Variants in CAGE1 observed in about 807,000 individuals in gnomAD.
CAGE1 encodes the protein cancer-associated gene 1 protein.
Under a neutral mutation model 94.9 loss-of-function variants are expected in CAGE1, and 66 were observed. That is an observed-to-expected ratio of 0.70 (90% CI 0.57 to 0.85). The LOEUF (loss-of-function observed/expected upper bound fraction) is 0.85, where lower values mean the gene tolerates loss of function less well. Ranked by LOEUF, CAGE1 falls within the 40% of genes least tolerant of loss-of-function variation. The pLI, the probability that CAGE1 is intolerant of heterozygous loss-of-function variation, is 0.00. For missense variants in CAGE1, 865 were observed against 950.4 expected (o/e 0.91, Z 1.18); for synonymous variants, 319 against 321.0 (o/e 0.99, Z 0.07).
chr6:7,361,177 TA>T (rs1245200664), intron 9 of CAGE1, among the ~76,000 whole-genome samples: 5 of 152,282 alleles, frequency 3.3e-5, no homozygotes, highest in African/African-American at 4.8e-5. Flanking sequence ...TACCTGCTTC[TA>T]AAAGAGGAAC....
chr6:7,388,618 T>G (rs1761220485), intron 1 of CAGE1, among the ~76,000 whole-genome samples: 1 of 152,252 alleles, frequency 6.6e-6, no homozygotes, highest in Admixed American at 6.5e-5. Flanking sequence ...CTTATTTCTA[T>G]CAAGCTCTTT....
chr6:7,350,866 A>C (rs892858607), intron 11 of CAGE1, among the ~76,000 whole-genome samples: 1 of 152,178 alleles, frequency 6.6e-6, no homozygotes, highest in Non-Finnish European at 1.5e-5. Context: ...AGAAACAAGA[A>C]CAAACCAAAC....
At chr6:7,365,934 T>C (rs1029656557) in intron 7 of CAGE1, 50 bp from the exon 8 acceptor site, 17 of 1,074,280 alleles carry the variant, frequency 1.6e-5, no homozygotes. Flanking sequence ...ACAACTACGC[T>C]CTAATATTTA....
intron 4 of CAGE1, among the ~76,000 whole-genome samples, chr6:7,376,940 A>T (rs1760767027): frequency 6.6e-6 from 1 of 152,194 alleles, no homozygotes; most frequent in Admixed American, 6.5e-5. Context: ...ACCTACTTAC[A>T]TATGCAGCAC....
rs556168290 is a variant in CAGE1, at chr6:7,373,199, T to C, written c.1620A>G (p.Val540=). The C allele has an allele frequency of 3.1e-5, 50 of 1,613,446 alleles. 1 individual carries two copies. The South Asian group carries it at 4.8e-4, about 16-fold the overall frequency. ...GTTTAAGTTTTGCATTCTCATTTTT[T>C]ACTTCGTTGATTTGCTGCTGAAGTT... is the stretch of plus-strand genomic sequence containing the variant. ...NIKLQQQINE[V]KNENAKLKQQ... is the part of the protein sequence containing the mutation. Residue 540 remains valine, a synonymous_variant, in exon 5 of 14, where the codon GTA becomes GTG. Coordinates refer to ENST00000502583, the MANE Select transcript of CAGE1 (RefSeq NM_001170692.2).
intron 5 of CAGE1, among the ~76,000 whole-genome samples, chr6:7,372,449 C>T (rs867127150): frequency 7.4e-6 from 1 of 134,892 alleles, no homozygotes; most frequent in Admixed American, 8.2e-5. Flanking sequence ...CCAGCCTGGG[C>T]GACAGAGCAA....
Position 7,373,239 on chromosome 6 carries a change from C to T in CAGE1, c.1580G>A (p.Arg527Lys). 6.2e-7 allele frequency: 1 copy of T among 1,606,330 alleles called. No homozygotes were observed. The highest frequency in any genetic ancestry group is 2.2e-5 in the East Asian group (1 of 44,820). ...RNLQFMSENERTKNIKLQQQI... is the reference protein window; with the variant it reads ...RNLQFMSENEKTKNIKLQQQI... ...CTGCTGAAGTTTTATATTCTTCGTTCTTTCATTTTCAGACATAAATTGCAA... is the reference window on the plus strand; with the variant it reads ...CTGCTGAAGTTTTATATTCTTCGTTTTTTCATTTTCAGACATAAATTGCAA... Residue 527 changes from arginine to lysine, a missense_variant, in exon 5 of 14, where the codon AGA becomes AAA. Coordinates refer to ENST00000502583, the MANE Select transcript of CAGE1 (RefSeq NM_001170692.2).
At chr6:7,345,664 A>G (rs537679295) in intron 11 of CAGE1, among the ~76,000 whole-genome samples, 21 of 152,318 alleles carry the variant, frequency 1.4e-4, no homozygotes, top group Non-Finnish European at 1.9e-4. Context: ...GCAGTGGCTC[A>G]TGCTTGTAAT....
chr6:7,352,875 G>A (rs1262468763), intron 11 of CAGE1, among the ~76,000 whole-genome samples: 3 of 152,180 alleles, frequency 2.0e-5, no homozygotes, highest in Admixed American at 6.5e-5. Flanking sequence ...TTCATCTCTC[G>A]CCTTTTACCA....
intron 4 of CAGE1, among the ~76,000 whole-genome samples, chr6:7,377,171 T>A (rs1053576151): frequency 6.6e-6 from 1 of 152,206 alleles, no homozygotes; most frequent in African/African-American, 2.4e-5. Context: ...TTTGTCTATT[T>A]TCTAACCATC....
intron 11 of CAGE1, among the ~76,000 whole-genome samples, chr6:7,346,566 G>C (rs1461137415): frequency 6.6e-6 from 1 of 150,596 alleles, no homozygotes; most frequent in Non-Finnish European, 1.5e-5. Flanking sequence ...AAAAAAGTTA[G>C]CTGGGCACGG....
At chr6:7,345,133 TGC>T (rs1759395864) in intron 11 of CAGE1, among the ~76,000 whole-genome samples, 2 of 41,700 alleles carry the variant, frequency 4.8e-5, no homozygotes, top group Non-Finnish European at 8.7e-5. Context: ...AGATCCATAT[TGC>T]TTTTAGGAGC....
At chr6:7,329,959 A>G (rs1758688806) in intron 12 of CAGE1, 71 bp from the exon 13 acceptor site, 2 of 664,656 alleles carry the variant, frequency 3.0e-6, no homozygotes, top group South Asian at 3.5e-5. Context: ...ATGGTGAGCA[A>G]GTTGCCATTA....
At chr6:7,385,658 ATT>A (rs147220799) in intron 3 of CAGE1, 125 bp downstream of exon 3, 158,507 of 452,754 alleles carry the variant, frequency 0.35, 28,624 homozygotes, top group East Asian at 0.44. Flanking sequence ...TTTCAATAAG[ATT>A]TTTTTGTGGA....
intron 9 of CAGE1, among the ~76,000 whole-genome samples, chr6:7,364,290 C>G (rs1760254978): frequency 6.6e-6 from 1 of 152,154 alleles, no homozygotes; most frequent in African/African-American, 2.4e-5. Context: ...TAGATGCCAG[C>G]CATTGTACCT....
intron 11 of CAGE1, among the ~76,000 whole-genome samples, chr6:7,335,802 C>T (rs1009865711): frequency 4.6e-5 from 7 of 152,194 alleles, no homozygotes; most frequent in Non-Finnish European, 8.8e-5. Flanking sequence ...GTCTTGAACT[C>T]CTGGCCTCAA....
At chr6:7,388,780 C>CCAA (rs1372117617) in intron 1 of CAGE1, among the ~76,000 whole-genome samples, 1 of 152,060 alleles carries the variant, frequency 6.6e-6, no homozygotes, top group Non-Finnish European at 1.5e-5. Context: ...AGTGAAAGGC[C>CCAA]CAACTTTATG....
intron 11 of CAGE1, among the ~76,000 whole-genome samples, chr6:7,343,633 G>C (rs1759282525): frequency 6.6e-6 from 1 of 152,192 alleles, no homozygotes; most frequent in Admixed American, 6.5e-5. Flanking sequence ...ATTCTTCCAG[G>C]ACTCTGTTGG....
rs752069157 is a variant in CAGE1, at chr6:7,365,506, C to A, written c.2155G>T (p.Asp719Tyr). Residue 719 changes from aspartate (D) to tyrosine (Y), a missense_variant, in exon 9 of 14, where the codon GAT becomes TAT. Coordinates refer to ENST00000502583, the MANE Select transcript of CAGE1 (RefSeq NM_001170692.2). ...TCCTCATTTAGACTGTGGTACTTATCCAGTTTGGCTCCCAGAAGGGTAGGT... is the reference window on the plus strand; with the variant it reads ...TCCTCATTTAGACTGTGGTACTTATACAGTTTGGCTCCCAGAAGGGTAGGT... ...DVPTLLGAKL[D>Y]KYHSLNEELD... is the part of the protein sequence containing the mutation. The A allele has an allele frequency of 6.2e-7, 1 of 1,613,368 alleles. No individual in the cohort carries two copies. Among genetic ancestry groups the A allele is most frequent in the Non-Finnish European group, 8.5e-7 (1 of 1,179,664 alleles).
Sources: allele counts gnomAD v4.1 joint callset (sites outside exome capture counted in the v4.1 genomes callset), GRCh38; gene constraint gnomAD v4.1.1; transcripts MANE v1.5; gene names NCBI Gene and HGNC (gene_info 2026-07-23, HGNC 2026-07-21).